The following DENND1A variants were observed in gnomAD, a reference collection of about 807,000 sequenced individuals.
DENND1A encodes DENN domain-containing protein 1A.
A neutral mutation model predicts 113.7 loss-of-function variants in DENND1A; 51 were observed. The observed-to-expected ratio is 0.45, with a 90% CI of 0.36 to 0.57. The LOEUF (loss-of-function observed/expected upper bound fraction) is 0.57. DENND1A is among the 20% of genes least tolerant of loss of function. The probability of loss-of-function intolerance (pLI) is 0.00; values close to 1 mark genes in which losing one functional copy is unlikely to be tolerated. For missense variants in DENND1A, 1,258 were observed against 1,395.9 expected, an observed-to-expected ratio of 0.90 and a Z score of 1.57; for synonymous variants, 565 against 570.8, an observed-to-expected ratio of 0.99 and a Z score of 0.14.
At chr9:123,615,934 T>C (rs758404083) in intron 10 of DENND1A, among the ~76,000 whole-genome samples, 9 of 152,216 alleles carry the variant, frequency 5.9e-5, no homozygotes, top group Non-Finnish European at 1.3e-4. Flanking sequence ...CCATCCATTT[T>C]ATAGCTTTTT....
At chr9:123,617,109 T>C (rs2060689206) in intron 10 of DENND1A, among the ~76,000 whole-genome samples, 1 of 152,182 alleles carries the variant, frequency 6.6e-6, no homozygotes, top group Admixed American at 6.5e-5. Context: ...AAGTAGAAAG[T>C]ATGGGGTAAC....
chr9:123,640,652 T>G (rs2139040013), intron 9 of DENND1A, among the ~76,000 whole-genome samples: 1 of 152,374 alleles, frequency 6.6e-6, no homozygotes, highest in South Asian at 2.1e-4. Flanking sequence ...AGGATGAGAT[T>G]CAGCCTCAGG....
intron 13 of DENND1A, among the ~76,000 whole-genome samples, chr9:123,553,347 GA>G (rs1166492958): frequency 6.6e-6 from 1 of 151,564 alleles, no homozygotes; most frequent in East Asian, 1.9e-4. Flanking sequence ...CAGATCACAG[GA>G]ACTTGACAGA....
chr9:123,728,177 G>T (rs1441826363), intron 5 of DENND1A, among the ~76,000 whole-genome samples: 1 of 149,518 alleles, frequency 6.7e-6, no homozygotes, highest in Admixed American at 6.7e-5. Flanking sequence ...CCCAAATATT[G>T]TAAAAAGGTT....
chr9:123,439,728 C>A (rs1490305546), intron 19 of DENND1A: 1 of 152,094 alleles, frequency 6.6e-6, no homozygotes, highest in Non-Finnish European at 1.5e-5. Flanking sequence ...GGTACATAAT[C>A]TTTTTTAACC....
In DENND1A at chr9:123,729,194, A is replaced by G. The variant is rs567677774; in HGVS notation, c.302+28509T>C. On this transcript the variant is annotated intron_variant, in intron 5 of 23. Coordinates refer to ENST00000394215, the MANE Select transcript of DENND1A (RefSeq NM_001352964.2). Reference sequence around the variant, plus strand: ...AAAACTGGAAGCATTCCCTTTGAAAACCAGCACAAGGACAATGATGCCCCC... The same window carrying G: ...AAAACTGGAAGCATTCCCTTTGAAAGCCAGCACAAGGACAATGATGCCCCC... Among the ~76,000 whole-genome samples, 55 of 152,340 alleles carry G rather than the reference A, an allele frequency of 3.6e-4. 1 individual carries two copies. The highest frequency in any genetic ancestry group is 5.1e-4 in the Non-Finnish European group (35 of 68,038).
At chr9:123,464,401 G>A (rs1291191832) in intron 13 of DENND1A, among the ~76,000 whole-genome samples, 1 of 152,176 alleles carries the variant, frequency 6.6e-6, no homozygotes, top group East Asian at 1.9e-4. Flanking sequence ...ATATTATTCA[G>A]CCCTAAAAAG....
At chr9:123,414,415 T>C in intron 19 of DENND1A, 1 of 1,450,348 alleles carries the variant, frequency 6.9e-7, no homozygotes, top group Non-Finnish European at 9.1e-7. Flanking sequence ...CCACCCAGTC[T>C]TGGCACTTGG....
chr9:123,736,357 T>C (rs2068565152), intron 5 of DENND1A: 1 of 152,158 alleles, frequency 6.6e-6, no homozygotes, highest in African/African-American at 2.4e-5. Flanking sequence ...GCCAACTTAG[T>C]GGTTCTTTCC....
At chr9:123,795,496 C>T (rs1833628987) in intron 2 of DENND1A, among the ~76,000 whole-genome samples, 2 of 152,192 alleles carry the variant, frequency 1.3e-5, no homozygotes, top group African/African-American at 4.8e-5. Context: ...TGTACAAAAC[C>T]TAGCACCCTG....
chr9:123,614,448 G>A (rs1219834778), intron 10 of DENND1A, among the ~76,000 whole-genome samples: 1 of 152,180 alleles, frequency 6.6e-6, no homozygotes, highest in African/African-American at 2.4e-5. Flanking sequence ...CGATCCTGTA[G>A]TCCTTGTTCA....
chr9:123,643,969 C>T (rs1196197163), intron 9 of DENND1A, among the ~76,000 whole-genome samples: 1 of 152,148 alleles, frequency 6.6e-6, no homozygotes, highest in Admixed American at 6.6e-5. Flanking sequence ...GAATATTTCT[C>T]TAAGTACAAG....
chr9:123,396,894 TTATACAGCA>T (rs1255022289), intron 21 of DENND1A, among the ~76,000 whole-genome samples: 1 of 152,206 alleles, frequency 6.6e-6, no homozygotes, highest in Non-Finnish European at 1.5e-5. Context: ...CTTCAGAAAG[TTATACAGCA>T]ATATGGAGCA....
chr9:123,421,574 A>G (rs573469133), intron 19 of DENND1A, among the ~76,000 whole-genome samples: 196 of 152,268 alleles, frequency 1.3e-3, no homozygotes, highest in African/African-American at 4.6e-3. Flanking sequence ...GCATTTCACC[A>G]GGCCCGTGTC....
At chr9:123,923,227 C>T (rs921812673) in intron 1 of DENND1A, among the ~76,000 whole-genome samples, 11 of 152,214 alleles carry the variant, frequency 7.2e-5, no homozygotes, top group African/African-American at 2.7e-4. Context: ...CTGTACAATG[C>T]CCTCTAAGTT....
chr9:123,625,977 G>T (rs187277991), intron 10 of DENND1A, among the ~76,000 whole-genome samples: 11 of 152,144 alleles, frequency 7.2e-5, no homozygotes, highest in Admixed American at 7.2e-4. Flanking sequence ...CTGTAGCCTT[G>T]ACCTCCTGGG....
chr9:123,712,748 GA>G (rs2140975886), intron 5 of DENND1A, among the ~76,000 whole-genome samples: 1 of 152,332 alleles, frequency 6.6e-6, no homozygotes, highest in Admixed American at 6.5e-5. Context: ...AGGCTAATGT[GA>G]AAAGACTTAA....
rs1423523541 is a variant in DENND1A, at chr9:123,497,073, T to C, written c.994-39176A>G. On this transcript the variant is annotated intron_variant, in intron 13 of 23. Coordinates refer to ENST00000394215, the MANE Select transcript of DENND1A (RefSeq NM_001352964.2). Reference sequence around the variant, plus strand: ...TTCCTTTGAGTGACAACTTTTAACATGAACCCAGGCATCCCTGTTCCAGGC... The same window carrying C: ...TTCCTTTGAGTGACAACTTTTAACACGAACCCAGGCATCCCTGTTCCAGGC... Among the ~76,000 whole-genome samples, 49 of 152,220 alleles carry C rather than the reference T, an allele frequency of 3.2e-4. 1 individual carries two copies. Among genetic ancestry groups the C allele is most frequent in the Admixed American group, 3.1e-3 (47 of 15,282 alleles).
chr9:123,826,076 T>C (rs1416746894), intron 2 of DENND1A, among the ~76,000 whole-genome samples: 2 of 152,254 alleles, frequency 1.3e-5, no homozygotes, highest in Non-Finnish European at 2.9e-5. Flanking sequence ...TAATGAACTT[T>C]TGTTTTTCTC....
Sources: gnomAD v4.1 joint callset for allele counts (sites outside exome capture counted in the v4.1 genomes callset) on GRCh38, gnomAD v4.1.1 for gene constraint, MANE v1.5 for transcripts, NCBI Gene and HGNC (gene_info 2026-07-23, HGNC 2026-07-21) for gene names.